PDGFRA: variants seen among roughly 807,000 people sequenced by gnomAD.
The protein encoded by PDGFRA is platelet-derived growth factor receptor alpha.
PDGFRA carries 25 observed loss-of-function variants against 121.5 expected under a neutral mutation model. The ratio of observed to expected loss-of-function variants is 0.21; its 90% CI spans 0.15 to 0.29. The LOEUF (loss-of-function observed/expected upper bound fraction) is 0.29, where lower values mean the gene tolerates loss of function less well. Among genes scored for constraint, PDGFRA ranks in the 10% least tolerant of loss-of-function variants. The pLI is 1.00. For missense variants in PDGFRA, 1,008 were observed against 1,345.1 expected, an observed-to-expected ratio of 0.75 and a Z score of 3.92; for synonymous variants, 463 against 494.8, an observed-to-expected ratio of 0.94 and a Z score of 0.85.
chr4:54,230,922 G>T (rs1189271963), intron 1 of PDGFRA, among the ~76,000 whole-genome samples: 1 of 152,244 alleles, frequency 6.6e-6, no homozygotes, highest in East Asian at 1.9e-4. Context: ...GGGATCAGCT[G>T]TTCTATTCCG....
At chr4:54,261,878 T>C (rs1722737194) in intron 3 of PDGFRA, among the ~76,000 whole-genome samples, 1 of 146,114 alleles carries the variant, frequency 6.8e-6, no homozygotes, top group African/African-American at 2.5e-5. Flanking sequence ...GGAATTTTCT[T>C]TTTCCTTTTA....
intron 1 of PDGFRA, among the ~76,000 whole-genome samples, chr4:54,258,190 G>A (rs1722479097): frequency 6.6e-6 from 1 of 152,010 alleles, no homozygotes; most frequent in African/African-American, 2.4e-5. Flanking sequence ...CCTGGCTTGG[G>A]ATCCAGCAGG....
chr4:54,294,308 CTTTGTG>C (rs1008850457), intron 22 of PDGFRA, among the ~76,000 whole-genome samples: 57 of 151,850 alleles, frequency 3.8e-4, no homozygotes, highest in Admixed American at 2.9e-3. Context: ...AATTTGGTTA[CTTTGTG>C]TTTGTGGGCT....
intron 13 of PDGFRA, 37 bp downstream of exon 13, chr4:54,277,529 G>T (rs1723807366): frequency 7.3e-7 from 1 of 1,377,008 alleles, no homozygotes. Context: ...TGAGCACGGG[G>T]ATTTTTTGAG....
intron 5 of PDGFRA, among the ~76,000 whole-genome samples, chr4:54,266,715 T>C (rs1723048113): frequency 6.6e-6 from 1 of 152,090 alleles, no homozygotes; most frequent in Non-Finnish European, 1.5e-5. Context: ...GTGTGGTGGC[T>C]CATGCCTGTA....
intron 1 of PDGFRA, among the ~76,000 whole-genome samples, chr4:54,236,828 AAG>A (rs1473892911): frequency 2.0e-5 from 3 of 152,226 alleles, no homozygotes; most frequent in African/African-American, 7.2e-5. Context: ...AGAAAGAAAA[AAG>A]AAAAAAAGAA....
intron 19 of PDGFRA, 116 bp from the exon 20 acceptor site, chr4:54,288,683 C>A: frequency 1.3e-6 from 1 of 750,620 alleles, no homozygotes; most frequent in South Asian, 1.4e-5. Flanking sequence ...TTGAAAAAAC[C>A]AGTGCTTCAA....
rs766653684 is a variant in PDGFRA, at chr4:54,261,225, C to T, written c.180C>T (p.Pro60=). ...FGESEVSWQY[P]MSEEESSDVE... ...AGAGTGAAGTGAGCTGGCAGTACCC[C>T]ATGTCTGAAGAAGAGAGCTCCGATG... The change falls in exon 3 of 23, where the codon CCC becomes CCT. Residue 60 remains proline (P), a synonymous_variant. Coordinates refer to ENST00000257290, the MANE Select transcript of PDGFRA (RefSeq NM_006206.6). 5 of 1,614,052 alleles carry T rather than the reference C, an allele frequency of 3.1e-6. No homozygotes were observed. The highest frequency in any genetic ancestry group is 3.4e-6 in the Non-Finnish European group (4 of 1,179,970).
At chr4:54,256,472 A>T (rs575943291) in intron 1 of PDGFRA, among the ~76,000 whole-genome samples, 2 of 151,582 alleles carry the variant, frequency 1.3e-5, no homozygotes, top group Admixed American at 1.3e-4. Flanking sequence ...TCCTGACCTC[A>T]GGTGATCCAC....
intron 15 of PDGFRA, 47 bp from the exon 16 acceptor site, chr4:54,280,269 A>C: frequency 6.5e-7 from 1 of 1,536,318 alleles, no homozygotes; most frequent in East Asian, 2.3e-5. Flanking sequence ...TGGAATGACC[A>C]CTTCAGAAGG....
At chr4:54,278,672 A>G in intron 15 of PDGFRA, 157 bp downstream of exon 15, 2 of 696,600 alleles carry the variant, frequency 2.9e-6, no homozygotes. Flanking sequence ...ATGGTCATGC[A>G]GAGAGATGCA....
intron 15 of PDGFRA, chr4:54,278,772 G>T: frequency 1.6e-6 from 1 of 624,102 alleles, no homozygotes; most frequent in Non-Finnish European, 3.0e-6. Context: ...GACTCTGGGA[G>T]CTCTTCTGCT....
intron 7 of PDGFRA, among the ~76,000 whole-genome samples, chr4:54,269,371 G>A (rs537932012): frequency 6.6e-6 from 1 of 151,610 alleles, no homozygotes; most frequent in African/African-American, 2.4e-5. Context: ...CTGAGGCATG[G>A]AGCATTGTAA....
chr4:54,259,701 G>T (rs1217974399), intron 2 of PDGFRA, among the ~76,000 whole-genome samples: 1 of 152,152 alleles, frequency 6.6e-6, no homozygotes, highest in Non-Finnish European at 1.5e-5. Flanking sequence ...ACAGTTCTAA[G>T]CTCCACTAAG....
intron 1 of PDGFRA, among the ~76,000 whole-genome samples, chr4:54,253,262 A>G (rs2110221109): frequency 6.6e-6 from 1 of 152,350 alleles, no homozygotes; most frequent in Middle Eastern, 3.4e-3. Context: ...AATGAAAACC[A>G]AAGCACTTTC....
In PDGFRA at chr4:54,287,513, C is replaced by A. The variant is rs2110341672; in HGVS notation, c.2646C>A (p.Gly882=). Reference sequence around the variant, plus strand: ...CACTGAGTGATGTCTGGTCTTATGGCATTCTGCTCTGGGAGATCTTTTCCC... The same window carrying A: ...CACTGAGTGATGTCTGGTCTTATGGAATTCTGCTCTGGGAGATCTTTTCCC... ...YTTLSDVWSY[G]ILLWEIFSLG... is the part of the protein sequence containing the mutation. Residue 882 remains glycine (G), a synonymous_variant, in exon 19 of 23, where the codon GGC becomes GGA. Coordinates refer to ENST00000257290, the MANE Select transcript of PDGFRA (RefSeq NM_006206.6). 6.0e-6 allele frequency: 9 copies of A among 1,511,052 alleles called. No homozygotes were observed. The highest frequency in any genetic ancestry group is 8.3e-6 in the Non-Finnish European group (9 of 1,086,044). 93.6% of individuals were successfully genotyped at this position (1,511,052 alleles called of 1,614,324 possible).
intron 7 of PDGFRA, 86 bp downstream of exon 7, chr4:54,267,827 C>A (rs2110268173): frequency 9.7e-7 from 1 of 1,035,244 alleles, no homozygotes; most frequent in Non-Finnish European, 1.5e-6. Context: ...CAACCCAGAC[C>A]CAAAGTCAGT....
At chr4:54,268,523 C>T (rs537818901) in intron 7 of PDGFRA, among the ~76,000 whole-genome samples, 2 of 152,320 alleles carry the variant, frequency 1.3e-5, no homozygotes, top group South Asian at 4.1e-4. Flanking sequence ...CTCAGAAAGA[C>T]AAAGTCAGTC....
rs780239830 is a variant in PDGFRA at position 54,272,401 on chromosome 4, A to G, written c.1245A>G (p.Ser415=). The G allele has an allele frequency of 5.0e-6, 8 of 1,613,940 alleles. No individual in the cohort carries two copies. Among genetic ancestry groups the G allele is most frequent in the Admixed American group, 3.3e-5 (2 of 60,008 alleles). Reference sequence around the variant, plus strand: ...TCTTTCTGCCTCTTGCAGTTCCTTCATCCATTCTGGACTTGGTCGATGATC... The same window carrying G: ...TCTTTCTGCCTCTTGCAGTTCCTTCGTCCATTCTGGACTTGGTCGATGATC... ...YTFELLTQVP[S]SILDLVDDHH... The change falls in exon 9 of 23, where the codon TCA becomes TCG. Residue 415 remains serine, a synonymous_variant. Coordinates refer to ENST00000257290, the MANE Select transcript of PDGFRA (RefSeq NM_006206.6).
Sources: gnomAD v4.1 joint callset for allele counts (sites outside exome capture counted in the v4.1 genomes callset) on GRCh38, gnomAD v4.1.1 for gene constraint, MANE v1.5 for transcripts, NCBI Gene and HGNC (gene_info 2026-07-23, HGNC 2026-07-21) for gene names.